ANO4: variants seen among roughly 807,000 people sequenced by gnomAD.
The protein encoded by ANO4 is anoctamin-4.
In ANO4, 69 loss-of-function variants were observed where a neutral mutation model predicts 141.9. The observed-to-expected ratio is 0.49, with a 90% CI of 0.40 to 0.59. ANO4 has a LOEUF of 0.59. Ranked by LOEUF, ANO4 falls within the 20% of genes least tolerant of loss-of-function variation. ANO4 has a pLI of 0.00. For missense variants in ANO4, 894 were observed against 1,162.2 expected (o/e 0.77, Z 3.36); for synonymous variants, 350 against 394.3 (o/e 0.89, Z 1.33).
chr12:101,121,105 A>G (rs575027795), intron 26 of ANO4, among the ~76,000 whole-genome samples: 14 of 152,142 alleles, frequency 9.2e-5, no homozygotes, highest in Non-Finnish European at 2.1e-4. Flanking sequence ...CAGTGGGTAC[A>G]TGTGCAAGTT....
At position 100,954,344 on chromosome 12, in the gene ANO4, G is replaced by T. The variant is rs371671241; in HGVS notation, c.456+11809G>T. On this transcript the variant is annotated intron_variant, in intron 5 of 27. Transcript: ENST00000392977. Reference sequence around the variant, plus strand: ...CAGGTGCCGGCGTGGAAGCCACTGGGATCTCACTAATGCCCTTCTGCAGCA... The same window carrying T: ...CAGGTGCCGGCGTGGAAGCCACTGGTATCTCACTAATGCCCTTCTGCAGCA... Among the ~76,000 whole-genome samples the T allele has an allele frequency of 3.3e-5, 5 of 152,258 alleles. No individual in the cohort carries two copies. In the South Asian group the frequency reaches 1.0e-3, roughly 32 times the overall value.
chr12:100,905,413 C>A (rs1001184561), intron 2 of ANO4, among the ~76,000 whole-genome samples: 1 of 152,052 alleles, frequency 6.6e-6, no homozygotes, highest in African/African-American at 2.4e-5. Flanking sequence ...ATGGAGAAAA[C>A]CCAGAAGTGC....
intron 1 of ANO4, among the ~76,000 whole-genome samples, chr12:100,887,354 A>G (rs549734728): frequency 6.6e-6 from 1 of 152,336 alleles, no homozygotes; most frequent in African/African-American, 2.4e-5. Flanking sequence ...TGTGAGGTAG[A>G]TATCTAGTTC....
At chr12:100,903,133 C>T (rs1565990953) in intron 2 of ANO4, among the ~76,000 whole-genome samples, 1 of 152,196 alleles carries the variant, frequency 6.6e-6, no homozygotes, top group Non-Finnish European at 1.5e-5. Flanking sequence ...TGGTTTCTAG[C>T]TCCTCCATTC....
intron 1 of ANO4, among the ~76,000 whole-genome samples, chr12:100,808,238 A>G (rs2035184554): frequency 6.6e-6 from 1 of 151,822 alleles, no homozygotes; most frequent in African/African-American, 2.4e-5. Flanking sequence ...TTATTTTTTG[A>G]CTTCTTAATA....
chr12:100,997,331 CAAAAAAAAAA>C (rs34066695), intron 8 of ANO4, among the ~76,000 whole-genome samples: 1 of 75,946 alleles, frequency 1.3e-5, no homozygotes, highest in African/African-American at 5.9e-5. Context: ...GACTCTGTCT[CAAAAAAAAAA>C]AAAAAAAAAA....
At position 101,083,790 on chromosome 12, in the gene ANO4, T is replaced by C. The variant is rs747906520; in HGVS notation, c.1508T>C (p.Ile503Thr). 23 of 1,576,288 alleles carry C rather than the reference T, an allele frequency of 1.5e-5. No homozygotes were observed. The highest frequency in any genetic ancestry group is 1.9e-5 in the Non-Finnish European group (22 of 1,170,212). ...TTTACAGATAAATGCAGCAGACTTA[T>C]CGTTTCTGCATCTGGAATATTTTTT... ...QAFTDKCSRLIVSASGIFFMI... is the reference protein window; with the variant it reads ...QAFTDKCSRLTVSASGIFFMI... Residue 503 changes from isoleucine to threonine, a missense_variant, in exon 16 of 28, where the codon ATC becomes ACC. Transcript: ENST00000392977.
At chr12:100,999,882 TAA>T (rs76908168) in intron 8 of ANO4, among the ~76,000 whole-genome samples, 6 of 129,832 alleles carry the variant, frequency 4.6e-5, no homozygotes, top group Non-Finnish European at 5.0e-5. Flanking sequence ...CCCTCTCTAC[TAA>T]AAAAAAAAAA....
chr12:100,744,237 A>G (rs1565849961), intron 3 of ANO4, among the ~76,000 whole-genome samples: 2 of 152,210 alleles, frequency 1.3e-5, no homozygotes, highest in African/African-American at 2.4e-5. Context: ...TTATTATTCT[A>G]TTTAATGCTG....
intron 1 of ANO4, among the ~76,000 whole-genome samples, chr12:100,861,745 G>T (rs1036825327): frequency 1.3e-5 from 2 of 152,114 alleles, no homozygotes; most frequent in African/African-American, 4.8e-5. Flanking sequence ...TGACTCTTTT[G>T]TAATAATATT....
At chr12:100,866,734 T>A (rs2038771206) in intron 1 of ANO4, among the ~76,000 whole-genome samples, 1 of 152,160 alleles carries the variant, frequency 6.6e-6, no homozygotes, top group Non-Finnish European at 1.5e-5. Flanking sequence ...GTCATAGAGA[T>A]GAGAAGCAAA....
At chr12:100,847,052 C>T (rs1337796999) in intron 1 of ANO4, among the ~76,000 whole-genome samples, 1 of 152,148 alleles carries the variant, frequency 6.6e-6, no homozygotes, top group Non-Finnish European at 1.5e-5. Flanking sequence ...GGTGTGTTCC[C>T]TTAGCATCCT....
intron 8 of ANO4, among the ~76,000 whole-genome samples, chr12:101,000,746 G>A (rs2045601382): frequency 6.6e-6 from 1 of 152,150 alleles, no homozygotes; most frequent in Non-Finnish European, 1.5e-5. Flanking sequence ...TTTTAAGTAG[G>A]ACATAATTTA....
chr12:101,005,102 G>A (rs2045818515), intron 8 of ANO4, among the ~76,000 whole-genome samples: 1 of 152,186 alleles, frequency 6.6e-6, no homozygotes, highest in African/African-American at 2.4e-5. Context: ...AGACTAAGAT[G>A]GAGGGAGCCA....
At chr12:100,975,548 C>A (rs1360916813) in intron 7 of ANO4, among the ~76,000 whole-genome samples, 1 of 118,992 alleles carries the variant, frequency 8.4e-6, no homozygotes, top group Non-Finnish European at 1.7e-5. Flanking sequence ...CCAAGCGATT[C>A]TCCTGCCTCA....
At chr12:100,760,441 G>A (rs893528859) in intron 3 of ANO4, among the ~76,000 whole-genome samples, 1 of 152,180 alleles carries the variant, frequency 6.6e-6, no homozygotes, top group African/African-American at 2.4e-5. Context: ...TTCTCTCTCA[G>A]TGAGAGGTGA....
chr12:100,926,859 G>C (rs2041896613), intron 3 of ANO4, among the ~76,000 whole-genome samples: 2 of 152,022 alleles, frequency 1.3e-5, no homozygotes, highest in African/African-American at 2.4e-5. Context: ...CTTCTGGTAG[G>C]GGGAATGGAA....
chr12:100,908,806 C>T lies in ANO4; in HGVS notation c.55+6966C>T, dbSNP rs11503435. On this transcript the variant is annotated intron_variant, in intron 2 of 27. Transcript: ENST00000392977. ...CCCGAAGTGTTCTCTAAGGCCCACT[C>T]GGATTGGTTACTAAGAACAAAAAGA... 4.6e-5 allele frequency among the ~76,000 whole-genome samples: 7 copies of T among 152,068 alleles called. No homozygotes were observed. In the East Asian group the frequency reaches 5.8e-4, roughly 13 times the overall value.
At position 101,007,686 on chromosome 12, in the gene ANO4, T is replaced by TG. The variant is rs1179688011; in HGVS notation, c.735-12341dup. The stretch of plus-strand genomic sequence containing the variant: ...TAAGATATAACCTAGCTATATTATT[T>TG]GGGGGGGAAAAGAGTGACCCAGAAC... On this transcript the variant is annotated intron_variant, in intron 8 of 27. Transcript: ENST00000392977. 9.9e-5 allele frequency among the ~76,000 whole-genome samples: 15 copies of TG among 152,114 alleles called. No homozygotes were observed. The East Asian group carries it at 1.3e-3, about 14-fold the overall frequency.
Sources: allele counts gnomAD v4.1 joint callset (sites outside exome capture counted in the v4.1 genomes callset), GRCh38; gene constraint gnomAD v4.1.1; transcripts MANE v1.5; gene names NCBI Gene and HGNC (gene_info 2026-07-23, HGNC 2026-07-21).